PPP1R14C: variants seen among roughly 807,000 people sequenced by gnomAD.
The protein encoded by PPP1R14C is protein phosphatase 1 regulatory subunit 14C.
A neutral mutation model predicts 20.4 loss-of-function variants in PPP1R14C; 16 were observed. The observed-to-expected ratio is 0.78, with a 90% CI of 0.53 to 1.19. The LOEUF (loss-of-function observed/expected upper bound fraction) is 1.19, where lower values mean the gene tolerates loss of function less well. Among genes scored for constraint, PPP1R14C ranks in the 50% most tolerant of loss-of-function variants. The pLI is 0.00. For missense variants in PPP1R14C, 211 were observed against 220.1 expected (o/e 0.96, Z 0.26); for synonymous variants, 91 against 91.0 (o/e 1.00, Z 0.00).
chr6:150,214,796 A>G lies in PPP1R14C; in HGVS notation c.359A>G (p.Asp120Gly). 1 of 1,612,728 alleles carries G rather than the reference A, an allele frequency of 6.2e-7. No individual in the cohort carries two copies. ...GACATTGATGATCTTCTTGATGCAG[A>G]CAGTGATGAAGAGAGAGCTTCAAAA... is the stretch of plus-strand genomic sequence containing the variant. The part of the protein sequence containing the change: ...EIDIDDLLDA[D>G]SDEERASKLQ... Residue 120 changes from aspartate (D) to glycine (G), a missense_variant, in exon 2 of 4, where the codon GAC (aspartate) becomes GGC (glycine). Transcript: ENST00000361131.
chr6:150,201,412 A>G lies in PPP1R14C; in HGVS notation c.307-13332A>G, dbSNP rs1302776225. On this transcript the variant is annotated intron_variant, in intron 1 of 3. Transcript: ENST00000361131. This position sits in a 1 kb window ranked among gnomAD's most constrained non-coding sequence, Gnocchi z 4.2. ...TGATGGCTGACACGAGATAACAAGA[A>G]GAGTGTCCTACACATGCACCCAGCA... Among the ~76,000 whole-genome samples the G allele has an allele frequency of 6.6e-6, 1 of 152,188 alleles. No individual in the cohort carries two copies. Among genetic ancestry groups the G allele is most frequent in the African/African-American group, 2.4e-5 (1 of 41,440 alleles).
chr6:150,209,992 T>C (rs1027652095), intron 1 of PPP1R14C, among the ~76,000 whole-genome samples: 4 of 152,080 alleles, frequency 2.6e-5, no homozygotes, highest in Admixed American at 6.6e-5. Flanking sequence ...TCTGTGTATA[T>C]ATTTGTGTAT....
chr6:150,235,852 C>T (rs138205715), intron 3 of PPP1R14C, among the ~76,000 whole-genome samples: 71 of 152,320 alleles, frequency 4.7e-4, no homozygotes, highest in African/African-American at 1.6e-3. Flanking sequence ...AAAGGTTCGT[C>T]GTACTCAGGG....
At chr6:150,218,586 A>G (rs1329954937) in intron 3 of PPP1R14C, among the ~76,000 whole-genome samples, 1 of 149,110 alleles carries the variant, frequency 6.7e-6, no homozygotes, top group Non-Finnish European at 1.5e-5. Context: ...TTGTATTTCT[A>G]TATTTTCATA....
intron 3 of PPP1R14C, among the ~76,000 whole-genome samples, chr6:150,226,359 T>G (rs1369407108): frequency 2.0e-5 from 3 of 152,196 alleles, no homozygotes; most frequent in Non-Finnish European, 2.9e-5. Context: ...GTAATTTTAT[T>G]TTGGATATTA....
At chr6:150,222,465 G>A (rs140737774) in intron 3 of PPP1R14C, among the ~76,000 whole-genome samples, 4 of 152,112 alleles carry the variant, frequency 2.6e-5, no homozygotes, top group South Asian at 4.2e-4. Context: ...ATTATCGCCC[G>A]AAGTCCACGG....
intron 1 of PPP1R14C, among the ~76,000 whole-genome samples, chr6:150,193,347 G>A (rs1044865741): frequency 6.6e-6 from 1 of 151,892 alleles, no homozygotes; most frequent in African/African-American, 2.4e-5. Context: ...AGTTGCCTAT[G>A]TCAGTGGTCC....
At chr6:150,236,764 C>T (rs547324669) in intron 3 of PPP1R14C, among the ~76,000 whole-genome samples, 15 of 152,218 alleles carry the variant, frequency 9.9e-5, no homozygotes, top group African/African-American at 2.9e-4. Context: ...TCCCTTGAGA[C>T]GGGAGGTCGC....
At chr6:150,155,632 G>A (rs1777297128) in intron 1 of PPP1R14C, among the ~76,000 whole-genome samples, 1 of 152,058 alleles carries the variant, frequency 6.6e-6, no homozygotes, top group African/African-American at 2.4e-5. Context: ...TGATTTACTT[G>A]ATACATTTTC....
intron 1 of PPP1R14C, among the ~76,000 whole-genome samples, chr6:150,146,385 T>G (rs1777180776): frequency 6.6e-6 from 1 of 152,220 alleles, no homozygotes; most frequent in Admixed American, 6.5e-5. Flanking sequence ...TGTTTAAAAC[T>G]TATGAGTTAA....
chr6:150,199,693 G>A (rs1777852358), intron 1 of PPP1R14C, among the ~76,000 whole-genome samples: 1 of 152,062 alleles, frequency 6.6e-6, no homozygotes, highest in African/African-American at 2.4e-5. Context: ...AATATAGTGA[G>A]ATGCCATCTC....
At chr6:150,174,752 C>A (rs1197276521) in intron 1 of PPP1R14C, among the ~76,000 whole-genome samples, 1 of 151,540 alleles carries the variant, frequency 6.6e-6, no homozygotes, top group Non-Finnish European at 1.5e-5. Flanking sequence ...ATCACAAGGT[C>A]AGGAGTTCGA....
chr6:150,211,086 T>C (rs1778019229), intron 1 of PPP1R14C, among the ~76,000 whole-genome samples: 1 of 152,210 alleles, frequency 6.6e-6, no homozygotes, highest in African/African-American at 2.4e-5. Context: ...CTCCCTCCTG[T>C]GTGCAACTTC....
intron 3 of PPP1R14C, among the ~76,000 whole-genome samples, chr6:150,221,470 G>A (rs908295071): frequency 3.3e-5 from 5 of 152,198 alleles, no homozygotes; most frequent in African/African-American, 1.2e-4. Context: ...TTTCTAAGCA[G>A]GGATCTCTAG....
chr6:150,143,612 C>A lies in PPP1R14C; in HGVS notation c.306+114C>A. ...GCGCATGTCCCTGACTCCCGGGGAC[C>A]AAGTGCCAGGAGCGAGGCGCGGCGC... On this transcript the variant is annotated intron_variant, in intron 1 of 3. Transcript: ENST00000361131. This position sits in a 1 kb window ranked among gnomAD's most constrained non-coding sequence, Gnocchi z 5.6. 2 of 771,600 alleles carry A rather than the reference C, an allele frequency of 2.6e-6. No homozygotes were observed. Among genetic ancestry groups the A allele is most frequent in the Non-Finnish European group, 4.0e-6 (2 of 495,008 alleles). The allele number at this position is 771,600 out of a possible 1,614,324, so 47.8% of individuals were successfully genotyped here. A position where few individuals can be genotyped will look rare whatever the true frequency, so the allele number is the denominator to read the frequency against.
chr6:150,178,018 C>T (rs1281753721), intron 1 of PPP1R14C, among the ~76,000 whole-genome samples: 3 of 152,206 alleles, frequency 2.0e-5, no homozygotes, highest in Non-Finnish European at 4.4e-5. Context: ...TGTGCTGTTC[C>T]CAGGCAGCTG....
chr6:150,204,984 C>T (rs921811291), intron 1 of PPP1R14C, among the ~76,000 whole-genome samples: 9 of 146,222 alleles, frequency 6.2e-5, no homozygotes, highest in African/African-American at 2.2e-4. Context: ...AACCTCTGCT[C>T]CAACTCAGAG....
At chr6:150,178,402 G>C (rs1442233667) in intron 1 of PPP1R14C, among the ~76,000 whole-genome samples, 1 of 152,222 alleles carries the variant, frequency 6.6e-6, no homozygotes, top group Non-Finnish European at 1.5e-5. Flanking sequence ...AGACCAGCTG[G>C]AGCATGTCAG....
In PPP1R14C at chr6:150,249,129, C is replaced by T. The variant is rs1325182919; in HGVS notation, c.*309C>T. 4.8e-6 allele frequency: 2 copies of T among 413,658 alleles called. No individual in the cohort carries two copies. Among genetic ancestry groups the T allele is most frequent in the African/African-American group, 4.1e-5 (2 of 48,858 alleles). The allele number at this position is 413,658 out of a possible 1,614,324, so 25.6% of individuals were successfully genotyped here. On this transcript the variant is annotated 3_prime_UTR_variant, in exon 4 of 4. Transcript: ENST00000361131. ...GGGCCACGCCAGGCTGCGTTTCCTG[C>T]AAGGACTCAGATGTTCAGTACCTTA...
Sources: gnomAD v4.1 joint callset for allele counts (sites outside exome capture counted in the v4.1 genomes callset) on GRCh38, gnomAD v4.1.1 for gene constraint, Gnocchi (gnomAD v3.1) non-coding constraint, MANE v1.5 for transcripts, NCBI Gene and HGNC (gene_info 2026-07-23, HGNC 2026-07-21) for gene names.